MAGI1: variants seen among roughly 807,000 people sequenced by gnomAD.
MAGI1 encodes the protein membrane-associated guanylate kinase, WW and PDZ domain-containing protein 1.
In MAGI1, 58 loss-of-function variants were observed where a neutral mutation model predicts 139.9. The ratio of observed to expected loss-of-function variants is 0.41; its 90% CI spans 0.34 to 0.52. MAGI1 has a LOEUF of 0.52. Ranked by LOEUF, MAGI1 falls within the 20% of genes least tolerant of loss-of-function variation. MAGI1 has a pLI of 0.12. For synonymous variants in MAGI1, 812 were observed against 737.9 expected (o/e 1.10, Z -1.63); for missense variants, 1,874 against 1,901.6 (o/e 0.99, Z 0.27).
chr3:65,901,493 A>C (rs2061232351), intron 1 of MAGI1, among the ~76,000 whole-genome samples: 2 of 152,218 alleles, frequency 1.3e-5, no homozygotes, highest in African/African-American at 2.4e-5. Flanking sequence ...AACGCTGCAA[A>C]GGGGAAGCAA....
At chr3:65,916,889 T>C (rs1020658800) in intron 1 of MAGI1, among the ~76,000 whole-genome samples, 2 of 152,148 alleles carry the variant, frequency 1.3e-5, no homozygotes, top group African/African-American at 2.4e-5. Flanking sequence ...AGGGATAAGT[T>C]CTACTGTTCT....
intron 1 of MAGI1, among the ~76,000 whole-genome samples, chr3:65,866,071 A>G (rs771405837): frequency 1.3e-5 from 2 of 152,174 alleles, no homozygotes; most frequent in Non-Finnish European, 2.9e-5. Flanking sequence ...ATGTAAACAT[A>G]TAATTTACAA....
intron 2 of MAGI1, among the ~76,000 whole-genome samples, chr3:65,587,485 T>TC (rs1559696233): frequency 7.0e-6 from 1 of 142,878 alleles, no homozygotes; most frequent in Non-Finnish European, 1.5e-5. Context: ...TTTTCTTTTT[T>TC]TTTTTTTTTT....
chr3:65,966,972 C>A (rs2064780076), intron 1 of MAGI1, among the ~76,000 whole-genome samples: 1 of 152,160 alleles, frequency 6.6e-6, no homozygotes, highest in African/African-American at 2.4e-5. Context: ...TTTAATCTCA[C>A]AAAACTCTAT....
At chr3:65,825,638 T>C (rs17073890) in intron 1 of MAGI1, among the ~76,000 whole-genome samples, 3,171 of 152,276 alleles carry the variant, frequency 0.021, 93 homozygotes, top group African/African-American at 0.071. Flanking sequence ...AAAGGTAACA[T>C]AAAACTATAT....
chr3:65,651,688 T>C (rs965257393), intron 1 of MAGI1, among the ~76,000 whole-genome samples: 6 of 152,190 alleles, frequency 3.9e-5, no homozygotes, highest in African/African-American at 1.4e-4. Context: ...CATGCCATCC[T>C]TGCATATGAC....
At chr3:65,870,005 G>C (rs2059884333) in intron 1 of MAGI1, among the ~76,000 whole-genome samples, 1 of 152,154 alleles carries the variant, frequency 6.6e-6, no homozygotes, top group South Asian at 2.1e-4. Context: ...TCATAGCTCA[G>C]GCCATTGATT....
chr3:65,360,931 G>A, intron 22 of MAGI1: 1 of 1,393,956 alleles, frequency 7.2e-7, no homozygotes, highest in Non-Finnish European at 9.3e-7. Flanking sequence ...TTCGCTCTTG[G>A]TCGGACTAGA....
intron 1 of MAGI1, among the ~76,000 whole-genome samples, chr3:65,695,501 G>T (rs2089089462): frequency 6.6e-6 from 1 of 152,164 alleles, no homozygotes; most frequent in African/African-American, 2.4e-5. Flanking sequence ...CCCATTCCCT[G>T]TTCTTGAAAG....
chr3:65,465,893 GCT>G (rs1461485242), intron 5 of MAGI1, among the ~76,000 whole-genome samples: 2 of 152,026 alleles, frequency 1.3e-5, no homozygotes, highest in African/African-American at 4.8e-5. Context: ...TGCCCCTGAA[GCT>G]CTGTTTGTTG....
Position 65,979,922 on chromosome 3 carries a change from T to A in MAGI1, c.313+58074A>T, listed in dbSNP as rs11929081. Among the ~76,000 whole-genome samples the A allele has an allele frequency of 2.8e-3, 432 of 152,270 alleles. 3 individuals are homozygous for A. Among genetic ancestry groups the A allele is most frequent in the African/African-American group, 9.7e-3 (404 of 41,554 alleles). ...ACTCCAGAGAGTCATCTTGAAAGTA[T>A]GTGCGGGTGATTAAAGAGGAACTGG... On this transcript the variant is annotated intron_variant, in intron 1 of 22. Transcript: ENST00000402939.
At chr3:65,806,531 C>A (rs529276770) in intron 1 of MAGI1, among the ~76,000 whole-genome samples, 2 of 152,164 alleles carry the variant, frequency 1.3e-5, no homozygotes, top group Non-Finnish European at 2.9e-5. Flanking sequence ...GTTTTCTGTA[C>A]GTCACTTTCC....
chr3:65,610,940 A>G (rs1246293397), intron 2 of MAGI1, among the ~76,000 whole-genome samples: 6 of 139,332 alleles, frequency 4.3e-5, no homozygotes, highest in African/African-American at 1.6e-4. Flanking sequence ...TAGTATATAT[A>G]GTAGATAGTA....
chr3:65,805,739 G>A (rs536574082), intron 1 of MAGI1, among the ~76,000 whole-genome samples: 339 of 152,256 alleles, frequency 2.2e-3, no homozygotes, highest in Non-Finnish European at 3.5e-3. Context: ...CATATACACC[G>A]TGGAATACTA....
chr3:65,891,180 C>T (rs2060728065), intron 1 of MAGI1, among the ~76,000 whole-genome samples: 6 of 146,756 alleles, frequency 4.1e-5, no homozygotes, highest in African/African-American at 2.6e-5. Context: ...TCAGCCTGGG[C>T]GACTGAGTGA....
chr3:65,462,707 G>A (rs1348630732), intron 5 of MAGI1, among the ~76,000 whole-genome samples: 1 of 152,150 alleles, frequency 6.6e-6, no homozygotes, highest in African/African-American at 2.4e-5. Context: ...ATTACTTTGG[G>A]CAGTATGGCC....
intron 1 of MAGI1, among the ~76,000 whole-genome samples, chr3:65,901,373 G>C (rs998832876): frequency 6.6e-6 from 1 of 152,208 alleles, no homozygotes; most frequent in Admixed American, 6.5e-5. Context: ...TGAGAGTCAC[G>C]TGGTGACGAA....
intron 1 of MAGI1, among the ~76,000 whole-genome samples, chr3:65,784,180 A>T (rs933625798): frequency 2.6e-5 from 4 of 152,148 alleles, no homozygotes; most frequent in African/African-American, 9.7e-5. Context: ...TGGAACCCTC[A>T]TCATTGCTGG....
chr3:65,715,981 CAA>C (rs1259856286), intron 1 of MAGI1, among the ~76,000 whole-genome samples: 1 of 152,136 alleles, frequency 6.6e-6, no homozygotes, highest in African/African-American at 2.4e-5. Flanking sequence ...GTAGAGCTTT[CAA>C]AAAGTTTGTG....
Sources: gnomAD v4.1 joint callset for allele counts (sites outside exome capture counted in the v4.1 genomes callset) on GRCh38, gnomAD v4.1.1 for gene constraint, MANE v1.5 for transcripts, NCBI Gene and HGNC (gene_info 2026-07-23, HGNC 2026-07-21) for gene names.